The following SNTG1 variants were observed in gnomAD, a reference collection of about 807,000 sequenced individuals.
SNTG1 encodes syntrophin gamma 1, also known as gamma-1-syntrophin.
SNTG1 carries 39 observed loss-of-function variants against 74.7 expected under a neutral mutation model. The observed-to-expected ratio is 0.52, with a 90% CI of 0.40 to 0.68. The LOEUF (loss-of-function observed/expected upper bound fraction) is 0.68. SNTG1 is among the 30% of genes least tolerant of loss of function. The pLI is 0.00. For synonymous variants in SNTG1, 254 were observed against 217.1 expected, an observed-to-expected ratio of 1.17 and a Z score of -1.49; for missense variants, 685 against 609.5, an observed-to-expected ratio of 1.12 and a Z score of -1.30.
intron 1 of SNTG1, among the ~76,000 whole-genome samples, chr8:50,098,218 G>T (rs932040134): frequency 5.3e-5 from 8 of 152,126 alleles, no homozygotes; most frequent in Admixed American, 5.2e-4. Flanking sequence ...ATTTCATCTT[G>T]CTGGTCAAGA....
chr8:50,104,774 G>T (rs1416632668), intron 1 of SNTG1, among the ~76,000 whole-genome samples: 1 of 152,002 alleles, frequency 6.6e-6, no homozygotes, highest in Non-Finnish European at 1.5e-5. Flanking sequence ...CTTTGTTCTT[G>T]TTGGTTTCAA....
chr8:49,967,943 A>G (rs936143619), intron 1 of SNTG1, among the ~76,000 whole-genome samples: 1 of 152,136 alleles, frequency 6.6e-6, no homozygotes, highest in Non-Finnish European at 1.5e-5. Flanking sequence ...GCACTTTTCT[A>G]CACAGATACA....
chr8:50,736,774 C>CAAAACTGTACAACTACATG (rs1195640058), intron 17 of SNTG1, among the ~76,000 whole-genome samples: 2 of 152,098 alleles, frequency 1.3e-5, no homozygotes, highest in Non-Finnish European at 2.9e-5. Flanking sequence ...GAAACTCAGT[C>CAAAACTGTACAACTACATG]AAAACTGTAC....
At chr8:50,214,156 G>C (rs2084659081) in intron 2 of SNTG1, among the ~76,000 whole-genome samples, 1 of 147,924 alleles carries the variant, frequency 6.8e-6, no homozygotes, top group Non-Finnish European at 1.5e-5. Flanking sequence ...ACTATCACAA[G>C]AACAAAAAAC....
chr8:49,925,701 T>C (rs1806959518), intron 1 of SNTG1, among the ~76,000 whole-genome samples: 1 of 152,208 alleles, frequency 6.6e-6, no homozygotes, highest in Non-Finnish European at 1.5e-5. Flanking sequence ...GTATGTAGCA[T>C]TTGAGATCCA....
chr8:50,318,661 A>G (rs2090407235), intron 2 of SNTG1, among the ~76,000 whole-genome samples: 1 of 152,202 alleles, frequency 6.6e-6, no homozygotes, highest in South Asian at 2.1e-4. Flanking sequence ...AGATTTGAGA[A>G]ACTGAAGCTT....
At chr8:50,353,653 T>C (rs1563933054) in intron 2 of SNTG1, among the ~76,000 whole-genome samples, 2 of 152,172 alleles carry the variant, frequency 1.3e-5, no homozygotes, top group African/African-American at 2.4e-5. Flanking sequence ...TTGAGCTACG[T>C]TGAGCCTGTC....
Position 50,044,159 on chromosome 8 carries a change from G to A in SNTG1, c.-102-128402G>A, listed in dbSNP as rs530515093. Among the ~76,000 whole-genome samples the A allele has an allele frequency of 1.9e-4, 29 of 152,272 alleles. No homozygotes were observed. The Middle Eastern group carries it at 0.01, about 54-fold the overall frequency. On this transcript the variant is annotated intron_variant, in intron 1 of 18. Transcript: ENST00000642720. ...CTCACAGAAGTCCCTAGTTATGGAA[G>A]AAAGAAGATACAATTTTAAGCAAGT...
chr8:50,190,515 T>C (rs2083533270), intron 2 of SNTG1, among the ~76,000 whole-genome samples: 1 of 152,122 alleles, frequency 6.6e-6, no homozygotes. Flanking sequence ...TGATTTCTCT[T>C]TGAGAAAAAA....
intron 1 of SNTG1, among the ~76,000 whole-genome samples, chr8:50,054,527 C>T (rs1019710697): frequency 1.3e-5 from 2 of 152,038 alleles, no homozygotes; most frequent in Non-Finnish European, 2.9e-5. Context: ...CATCTTTGTT[C>T]CATATCATTT....
intron 2 of SNTG1, among the ~76,000 whole-genome samples, chr8:50,369,227 G>A (rs1479609512): frequency 6.6e-6 from 1 of 152,104 alleles, no homozygotes; most frequent in Non-Finnish European, 1.5e-5. Flanking sequence ...TTCATGGTAG[G>A]GACTTTGGGA....
At chr8:49,956,594 A>C (rs1332193100) in intron 1 of SNTG1, among the ~76,000 whole-genome samples, 1 of 152,128 alleles carries the variant, frequency 6.6e-6, no homozygotes, top group Non-Finnish European at 1.5e-5. Context: ...AGTGTTTCCC[A>C]ATTTCATTTA....
chr8:50,320,428 A>G (rs1356496657), intron 2 of SNTG1, among the ~76,000 whole-genome samples: 1 of 151,744 alleles, frequency 6.6e-6, no homozygotes. Flanking sequence ...CTGACTACAG[A>G]TTTGACAATT....
intron 13 of SNTG1, among the ~76,000 whole-genome samples, chr8:50,605,551 C>T (rs760054078): frequency 3.9e-5 from 6 of 152,104 alleles, no homozygotes; most frequent in African/African-American, 1.2e-4. Flanking sequence ...GCCCGCCAGT[C>T]GCTGTGCTAG....
intron 8 of SNTG1, among the ~76,000 whole-genome samples, chr8:50,485,608 C>A (rs1360586029): frequency 1.3e-5 from 2 of 149,218 alleles, no homozygotes; most frequent in Non-Finnish European, 3.0e-5. Flanking sequence ...AATTTTCTCC[C>A]ATTTTGTAGG....
intron 13 of SNTG1, among the ~76,000 whole-genome samples, chr8:50,593,650 T>C (rs1361078153): frequency 6.6e-6 from 1 of 152,090 alleles, no homozygotes; most frequent in Non-Finnish European, 1.5e-5. Context: ...GGAGTAAGTT[T>C]TCCATTTTTT....
intron 2 of SNTG1, among the ~76,000 whole-genome samples, chr8:50,387,491 A>T (rs1235103775): frequency 1.3e-4 from 20 of 152,140 alleles, no homozygotes; most frequent in Non-Finnish European, 4.4e-5. Context: ...ATTTATTATA[A>T]GTCATTTTTT....
chr8:50,754,057 C>G (rs17785497), intron 18 of SNTG1, among the ~76,000 whole-genome samples: 2,452 of 152,006 alleles, frequency 0.016, 38 homozygotes, highest in Middle Eastern at 0.037. Context: ...TGTGTAAGAA[C>G]TGGAAGCAGG....
chr8:50,644,945 T>A (rs1169614417), intron 13 of SNTG1, among the ~76,000 whole-genome samples: 1 of 148,956 alleles, frequency 6.7e-6, no homozygotes, highest in Non-Finnish European at 1.5e-5. Flanking sequence ...TTCCTACAGA[T>A]GAGGTCCGCT....
Sources: gnomAD v4.1 joint callset for allele counts (sites outside exome capture counted in the v4.1 genomes callset) on GRCh38, gnomAD v4.1.1 for gene constraint, MANE v1.5 for transcripts, NCBI Gene and HGNC (gene_info 2026-07-23, HGNC 2026-07-21) for gene names.